Variants in R3HDM1 observed in about 807,000 individuals in gnomAD.
R3HDM1 encodes the protein R3H domain-containing protein 1.
R3HDM1 carries 46 observed loss-of-function variants against 141.1 expected under a neutral mutation model. That is an observed-to-expected ratio of 0.33 (90% CI 0.26 to 0.42). R3HDM1 has a LOEUF of 0.42. R3HDM1 is among the 10% of genes least tolerant of loss of function. The pLI is 1.00. For missense variants in R3HDM1, 1,184 were observed against 1,368.3 expected (o/e 0.87, Z 2.12); for synonymous variants, 435 against 472.9 (o/e 0.92, Z 1.04).
At chr2:135,532,818 A>T (rs1695209962) in intron 1 of R3HDM1, among the ~76,000 whole-genome samples, 1 of 152,152 alleles carries the variant, frequency 6.6e-6, no homozygotes, top group South Asian at 2.1e-4. Flanking sequence ...TTCTGTTATG[A>T]TTTCTTCATC....
chr2:135,572,543 T>A (rs1000463525), intron 1 of R3HDM1, among the ~76,000 whole-genome samples: 1 of 152,118 alleles, frequency 6.6e-6, no homozygotes, highest in African/African-American at 2.4e-5. Flanking sequence ...ACACAAGAAT[T>A]GGTAAGGATG....
In R3HDM1 at chr2:135,638,676, T is replaced by G. The variant is rs952457350; in HGVS notation, c.941+21T>G. ...AAAAGGTGAGGGAATTTTTAACATC[T>G]GTTTTGGTAATTGTCTGACTGATGC... On this transcript the variant is annotated intron_variant, in intron 12 of 26. Coordinates refer to ENST00000683871, the MANE Select transcript of R3HDM1 (RefSeq NM_001378107.1). The G allele has an allele frequency of 2.5e-6, 4 of 1,610,978 alleles. No individual in the cohort carries two copies. In the Admixed American group the frequency reaches 6.7e-5, roughly 27 times the overall value.
intron 1 of R3HDM1, among the ~76,000 whole-genome samples, chr2:135,541,541 TG>T (rs1250716041): frequency 6.6e-6 from 1 of 151,940 alleles, no homozygotes; most frequent in African/African-American, 2.4e-5. Context: ...TTTGTCTCAG[TG>T]AATAGGGAGG....
intron 7 of R3HDM1, among the ~76,000 whole-genome samples, chr2:135,630,300 A>AAAC (rs2062563257): frequency 6.9e-6 from 1 of 145,662 alleles, no homozygotes; most frequent in African/African-American, 2.7e-5. Context: ...AAAAAAAAAA[A>AAAC]AAAAAAAACA....
intron 7 of R3HDM1, among the ~76,000 whole-genome samples, chr2:135,627,244 G>T (rs1038450132): frequency 6.6e-6 from 1 of 151,972 alleles, no homozygotes; most frequent in Admixed American, 6.6e-5. Flanking sequence ...AAGCATTCAG[G>T]GTTGAATATT....
Position 135,531,537 on chromosome 2 carries a change from T to C in R3HDM1, c.-346T>C. On this transcript the variant is annotated 5_prime_UTR_variant, in exon 1 of 27. Coordinates refer to ENST00000683871, the MANE Select transcript of R3HDM1 (RefSeq NM_001378107.1). The stretch of plus-strand genomic sequence containing the variant: ...CCGGTGTCCGGGCTGGTGATGGGGT[T>C]AATTCCCTTTCGTAAGACTCTTACT... 1 of 985,568 alleles carries C rather than the reference T, an allele frequency of 1.0e-6. No individual in the cohort carries two copies. The highest frequency in any genetic ancestry group is 1.1e-4 in the East Asian group (1 of 8,760). 61.1% of individuals were successfully genotyped at this position (985,568 alleles called of 1,614,324 possible).
intron 1 of R3HDM1, among the ~76,000 whole-genome samples, chr2:135,598,315 T>G (rs1266557377): frequency 6.6e-6 from 1 of 152,166 alleles, no homozygotes. Context: ...TTGGTAGTGA[T>G]TACTCCTGGT....
At chr2:135,646,430 C>G (rs1313361188) in intron 16 of R3HDM1, among the ~76,000 whole-genome samples, 1 of 151,748 alleles carries the variant, frequency 6.6e-6, no homozygotes, top group Non-Finnish European at 1.5e-5. Context: ...CCACCGCGCC[C>G]GGCCTATTCT....
At chr2:135,681,158 A>G (rs1482290248) in intron 21 of R3HDM1, among the ~76,000 whole-genome samples, 1 of 152,174 alleles carries the variant, frequency 6.6e-6, no homozygotes, top group Non-Finnish European at 1.5e-5. Flanking sequence ...TCTTTCATTG[A>G]ATTGGGTCCC....
chr2:135,704,064 T>A (rs2074571153), intron 21 of R3HDM1, among the ~76,000 whole-genome samples: 1 of 152,202 alleles, frequency 6.6e-6, no homozygotes, highest in African/African-American at 2.4e-5. Flanking sequence ...CACTGCAACC[T>A]CCGCCTCCTA....
chr2:135,557,655 A>G (rs1701040447), intron 1 of R3HDM1, among the ~76,000 whole-genome samples: 1 of 152,202 alleles, frequency 6.6e-6, no homozygotes, highest in Non-Finnish European at 1.5e-5. Context: ...GGCAAGGATG[A>G]TCATATGGCA....
chr2:135,557,316 A>T (rs1700971945), intron 1 of R3HDM1, among the ~76,000 whole-genome samples: 1 of 151,284 alleles, frequency 6.6e-6, no homozygotes, highest in African/African-American at 2.4e-5. Flanking sequence ...TATCCTTTGT[A>T]TCTTTTTCTT....
At chr2:135,672,718 T>C (rs1478948023) in intron 19 of R3HDM1, among the ~76,000 whole-genome samples, 1 of 152,148 alleles carries the variant, frequency 6.6e-6, no homozygotes, top group Non-Finnish European at 1.5e-5. Flanking sequence ...ACGTGGTGTT[T>C]GTAAGAGAGT....
At chr2:135,670,272 C>T in intron 19 of R3HDM1, 1 of 968,732 alleles carries the variant, frequency 1.0e-6, no homozygotes, top group Non-Finnish European at 1.2e-6. Context: ...AGTGAAAAGA[C>T]AGGGATTTGG....
intron 1 of R3HDM1, among the ~76,000 whole-genome samples, chr2:135,591,092 A>G (rs1272957627): frequency 1.3e-5 from 2 of 152,206 alleles, no homozygotes; most frequent in Non-Finnish European, 2.9e-5. Flanking sequence ...GTAGGAAGGA[A>G]ATGGGTCATG....
intron 23 of R3HDM1, among the ~76,000 whole-genome samples, chr2:135,712,946 A>C (rs777460907): frequency 2.0e-5 from 3 of 152,100 alleles, no homozygotes; most frequent in Admixed American, 6.6e-5. Flanking sequence ...AAATAAAAAA[A>C]ATCCCAGCAC....
intron 1 of R3HDM1, chr2:135,533,963 T>A: frequency 1.0e-6 from 1 of 981,884 alleles, no homozygotes; most frequent in Non-Finnish European, 1.2e-6. Context: ...TATTAACTGT[T>A]ATTTTCATGC....
At chr2:135,640,390 G>A (rs2063681717) in intron 14 of R3HDM1, among the ~76,000 whole-genome samples, 1 of 152,064 alleles carries the variant, frequency 6.6e-6, no homozygotes, top group Non-Finnish European at 1.5e-5. Flanking sequence ...TTGGAAAATG[G>A]CCACTTGGTC....
chr2:135,679,127 A>G (rs2069771246), intron 20 of R3HDM1, among the ~76,000 whole-genome samples: 1 of 113,832 alleles, frequency 8.8e-6, no homozygotes, highest in South Asian at 2.8e-4. Flanking sequence ...TTGAATATAC[A>G]TTGGCTTTAT....
Sources: allele counts gnomAD v4.1 joint callset (sites outside exome capture counted in the v4.1 genomes callset), GRCh38; gene constraint gnomAD v4.1.1; transcripts MANE v1.5; gene names NCBI Gene and HGNC (gene_info 2026-07-23, HGNC 2026-07-21).